PLEKHH2: variants seen among roughly 807,000 people sequenced by gnomAD.
The protein encoded by PLEKHH2 is pleckstrin homology domain-containing family H member 2.
A neutral mutation model predicts 187.9 loss-of-function variants in PLEKHH2; 129 were observed. That is an observed-to-expected ratio of 0.69 (90% CI 0.59 to 0.79). The LOEUF (loss-of-function observed/expected upper bound fraction) is 0.79. Among genes scored for constraint, PLEKHH2 ranks in the 30% least tolerant of loss-of-function variants. PLEKHH2 has a pLI of 0.00. For synonymous variants in PLEKHH2, 686 were observed against 605.6 expected (o/e 1.13, Z -1.95); for missense variants, 2,076 against 1,751.2 (o/e 1.19, Z -3.31).
intron 7 of PLEKHH2, among the ~76,000 whole-genome samples, chr2:43,699,107 G>T (rs1015722681): frequency 1.3e-5 from 2 of 152,028 alleles, no homozygotes; most frequent in African/African-American, 4.8e-5. Flanking sequence ...TTCTAAAATA[G>T]AATTCATGCT....
chr2:43,644,927 A>G, intron 2 of PLEKHH2, 131 bp downstream of exon 2: 3 of 1,056,362 alleles, frequency 2.8e-6, no homozygotes, highest in Non-Finnish European at 2.6e-6. Flanking sequence ...TATTTGGCAT[A>G]TTCTTTTGCC....
chr2:43,683,185 G>A (rs1400091760), intron 3 of PLEKHH2, among the ~76,000 whole-genome samples: 1 of 65,704 alleles, frequency 1.5e-5, no homozygotes, highest in Non-Finnish European at 2.7e-5. Context: ...TGCTCTTGTT[G>A]CCCAGGCTGG....
At chr2:43,650,413 G>T (rs909810130) in intron 2 of PLEKHH2, among the ~76,000 whole-genome samples, 1 of 151,478 alleles carries the variant, frequency 6.6e-6, no homozygotes, top group Non-Finnish European at 1.5e-5. Context: ...GATTACAGAC[G>T]TGAGCCACTG....
At chr2:43,712,177 C>T (rs1432478555) in intron 14 of PLEKHH2, 48 bp from the exon 15 acceptor site, 1 of 1,576,988 alleles carries the variant, frequency 6.3e-7, no homozygotes, top group South Asian at 1.1e-5. Flanking sequence ...GCTAACAATC[C>T]TAAATCTTCA....
chr2:43,704,662 T>TAAAAAAAAAAAAA (rs70965318), intron 9 of PLEKHH2, among the ~76,000 whole-genome samples: 20 of 84,288 alleles, frequency 2.4e-4, no homozygotes, highest in African/African-American at 9.2e-4. Flanking sequence ...GATTCTGTCT[T>TAAAAAAAAAAAAA]AAAAAAAAAA....
At chr2:43,723,441 A>G (rs571126889) in intron 16 of PLEKHH2, among the ~76,000 whole-genome samples, 7 of 152,310 alleles carry the variant, frequency 4.6e-5, no homozygotes, top group East Asian at 1.9e-4. Flanking sequence ...AGGCAAAGAG[A>G]CTTGGGCTGG....
chr2:43,745,644 G>A (rs1258832937), intron 23 of PLEKHH2, among the ~76,000 whole-genome samples: 1 of 152,114 alleles, frequency 6.6e-6, no homozygotes, highest in Non-Finnish European at 1.5e-5. Context: ...AAAATGCGTG[G>A]CCACAGTCCA....
chr2:43,719,791 T>C (rs762692468), intron 15 of PLEKHH2, among the ~76,000 whole-genome samples: 22 of 152,212 alleles, frequency 1.4e-4, no homozygotes, highest in African/African-American at 4.8e-4. Context: ...CACAGGGCTA[T>C]TGGAAATCTG....
At chr2:43,710,877 G>A in intron 14 of PLEKHH2, 1 of 1,128,776 alleles carries the variant, frequency 8.9e-7, no homozygotes. Context: ...TTTTAAGGAA[G>A]GGTTATCTGG....
intron 24 of PLEKHH2, among the ~76,000 whole-genome samples, chr2:43,752,690 C>A (rs1411330290): frequency 6.6e-6 from 1 of 152,198 alleles, no homozygotes; most frequent in East Asian, 1.9e-4. Flanking sequence ...TGCTCACCCA[C>A]CCCATTGTCA....
chr2:43,743,992 G>C lies in PLEKHH2; in HGVS notation c.3555+3G>C, dbSNP rs372888279. ...ATTGTCTTCAAGGAAACATCAAGGT[G>C]AAACCAAGTCCTTTTCAGGAGCCAA... On this transcript the variant is annotated splice_donor_region_variant and intron_variant, in intron 23 of 29. Coordinates refer to ENST00000282406, the MANE Select transcript of PLEKHH2 (RefSeq NM_172069.4). 3 of 1,611,388 alleles carry C rather than the reference G, an allele frequency of 1.9e-6. No individual in the cohort carries two copies. Among genetic ancestry groups the C allele is most frequent in the Non-Finnish European group, 2.5e-6 (3 of 1,178,262 alleles).
intron 18 of PLEKHH2, 147 bp downstream of exon 18, chr2:43,729,892 T>C: frequency 2.0e-6 from 1 of 501,764 alleles, no homozygotes; most frequent in East Asian, 3.3e-5. Flanking sequence ...TGGGAGAGAA[T>C]TCTGTCTGTG....
rs769412858 is a variant in PLEKHH2 at position 43,765,462 on chromosome 2, A to C, written c.4346A>C (p.Gln1449Pro). 2 of 1,614,176 alleles carry C rather than the reference A, an allele frequency of 1.2e-6. No individual in the cohort carries two copies. Among genetic ancestry groups the C allele is most frequent in the Admixed American group, 3.3e-5 (2 of 60,018 alleles). The change falls in exon 30 of 30, where the codon CAG becomes CCG. Residue 1449 changes from glutamine (Q) to proline (P), a missense_variant. Gln to Pro is a moderately conservative substitution (Grantham distance 76, BLOSUM62 -1). Transcript: ENST00000282406. ...LIASYINNFH[Q>P]QKAAFHHLSA... ...GCCAGTTACATAAACAACTTCCATCAGCAAAAGGCAGCATTTCACCACCTC... is the reference window on the plus strand; with the variant it reads ...GCCAGTTACATAAACAACTTCCATCCGCAAAAGGCAGCATTTCACCACCTC...
chr2:43,722,089 T>TAAA (rs780880178), intron 16 of PLEKHH2, among the ~76,000 whole-genome samples: 1 of 128,260 alleles, frequency 7.8e-6, no homozygotes, highest in African/African-American at 2.9e-5. Flanking sequence ...TAGTCTCTAC[T>TAAA]AAAAAAAAAA....
At chr2:43,705,615 G>GTGGTTT (rs1558528045) in intron 9 of PLEKHH2, among the ~76,000 whole-genome samples, 1 of 152,210 alleles carries the variant, frequency 6.6e-6, no homozygotes, top group South Asian at 2.1e-4. Context: ...CTTAAGAACA[G>GTGGTTT]TGGTTTTGGT....
chr2:43,655,602 A>G (rs1666714091), intron 2 of PLEKHH2, among the ~76,000 whole-genome samples: 1 of 152,210 alleles, frequency 6.6e-6, no homozygotes, highest in African/African-American at 2.4e-5. Context: ...ATGGCAGGCA[A>G]CCAGAAAGAC....
rs755086790 is a variant in PLEKHH2 at position 43,675,679 on chromosome 2, G to A, written c.124-3184G>A. On this transcript the variant is annotated intron_variant, in intron 2 of 29. Coordinates refer to ENST00000282406, the MANE Select transcript of PLEKHH2 (RefSeq NM_172069.4). ...GCATATTGCCAGCTGCTTATCTTCA[G>A]ATAACTTCCAAATCACACTTTGATC... 2.5e-6 allele frequency: 4 copies of A among 1,613,880 alleles called. No individual in the cohort carries two copies. The South Asian group carries it at 4.4e-5, about 18-fold the overall frequency.
chr2:43,682,116 C>T, intron 3 of PLEKHH2, among the ~76,000 whole-genome samples: 1 of 152,078 alleles, frequency 6.6e-6, no homozygotes. Flanking sequence ...ATAATTTCAT[C>T]CATTATTATA....
intron 15 of PLEKHH2, among the ~76,000 whole-genome samples, chr2:43,715,229 T>C (rs1452089352): frequency 6.6e-6 from 1 of 151,856 alleles, no homozygotes; most frequent in African/African-American, 2.4e-5. Context: ...TCAGCTGTGA[T>C]TGCAATGTTG....
Sources: gnomAD v4.1 joint callset for allele counts (sites outside exome capture counted in the v4.1 genomes callset) on GRCh38, gnomAD v4.1.1 for gene constraint, MANE v1.5 for transcripts, NCBI Gene and HGNC (gene_info 2026-07-23, HGNC 2026-07-21) for gene names.